The following DPH6 variants were observed in gnomAD, a reference collection of about 807,000 sequenced individuals.
DPH6 encodes diphthine--ammonia ligase.
DPH6 carries 33 observed loss-of-function variants against 38.2 expected under a neutral mutation model. The observed-to-expected ratio is 0.86, with a 90% CI of 0.65 to 1.15. The LOEUF (loss-of-function observed/expected upper bound fraction) is 1.15. Ranked by LOEUF, DPH6 falls within the 50% of genes most tolerant of loss-of-function variation. The pLI is 0.00. For synonymous variants in DPH6, 108 were observed against 103.0 expected (o/e 1.05, Z -0.30); for missense variants, 325 against 320.0 (o/e 1.02, Z -0.12).
chr15:35,158,145 G>T, the DPH6 span, among the ~76,000 whole-genome samples: 1 of 152,032 alleles, frequency 6.6e-6, no homozygotes, highest in Non-Finnish European at 1.5e-5. Context: ...CGTTTCTGTA[G>T]TGGCCAATTC....
the DPH6 span, among the ~76,000 whole-genome samples, chr15:35,160,502 T>C: frequency 6.6e-6 from 1 of 152,068 alleles, no homozygotes; most frequent in South Asian, 2.1e-4. Flanking sequence ...ATGGGTAAAT[T>C]GCATGTTGCT....
intron 3 of DPH6, among the ~76,000 whole-genome samples, chr15:35,270,133 A>G (rs2051813412): frequency 6.6e-6 from 1 of 152,204 alleles, no homozygotes; most frequent in Non-Finnish European, 1.5e-5. Flanking sequence ...CTGAACATTA[A>G]CTGAAATGTA....
At chr15:35,288,767 A>T (rs1595462422) in intron 3 of DPH6, among the ~76,000 whole-genome samples, 1 of 152,246 alleles carries the variant, frequency 6.6e-6, no homozygotes, top group Admixed American at 6.5e-5. Flanking sequence ...GAATCAGGAG[A>T]GCTTGTTGTT....
chr15:35,169,191 T>A, the DPH6 span, among the ~76,000 whole-genome samples: 15 of 152,132 alleles, frequency 9.9e-5, no homozygotes, highest in Non-Finnish European at 1.8e-4. Context: ...TTAATCAATA[T>A]CATATTCATA....
chr15:35,236,651 A>G (rs1183091492), intron 3 of DPH6, among the ~76,000 whole-genome samples: 4 of 151,978 alleles, frequency 2.6e-5, no homozygotes, highest in African/African-American at 7.2e-5. Flanking sequence ...AAAAAAAAAA[A>G]AAAGAAAAAA....
chr15:35,534,718 A>G (rs1323147774), intron 3 of DPH6, among the ~76,000 whole-genome samples: 1 of 152,196 alleles, frequency 6.6e-6, no homozygotes, highest in East Asian at 1.9e-4. Context: ...AGTGTCAGCA[A>G]AAGGGAACAG....
rs555804707 is a variant in DPH6, at chr15:35,502,217, G to T, written c.312+36057C>A. On this transcript the variant is annotated intron_variant, in intron 3 of 8. Transcript: ENST00000256538. ...TCACAGGAATATGTACATTGTAAAT[G>T]AAGTACTCTGAGTTGAAAATTTTTG... Among the ~76,000 whole-genome samples the T allele has an allele frequency of 3.7e-4, 56 of 152,076 alleles. 1 individual carries two copies. Among genetic ancestry groups the T allele is most frequent in the Admixed American group, 3.5e-3 (53 of 15,260 alleles).
intron 3 of DPH6, among the ~76,000 whole-genome samples, chr15:35,351,392 T>C (rs566496034): frequency 6.6e-6 from 1 of 152,348 alleles, no homozygotes; most frequent in South Asian, 2.1e-4. Context: ...GGGAAATTAG[T>C]ACAGTTATAT....
chr15:35,213,879 G>A (rs892213330), downstream of DPH6, among the ~76,000 whole-genome samples: 18 of 152,186 alleles, frequency 1.2e-4, no homozygotes, highest in South Asian at 2.1e-4. Context: ...TTGGGAGGCC[G>A]AGGCGGGTGG....
chr15:35,298,655 GA>G, intron 3 of DPH6: 1 of 1,295,906 alleles, frequency 7.7e-7, no homozygotes, highest in Non-Finnish European at 1.1e-6. Context: ...CTTCTCCACC[GA>G]AAAGGCGGTG....
At chr15:35,269,947 C>G (rs552501018) in intron 3 of DPH6, among the ~76,000 whole-genome samples, 1 of 151,734 alleles carries the variant, frequency 6.6e-6, no homozygotes, top group African/African-American at 2.4e-5. Context: ...CCTGCCACCA[C>G]GCCCAGCTAA....
chr15:35,323,392 G>A (rs1003059595), intron 3 of DPH6, among the ~76,000 whole-genome samples: 1 of 152,024 alleles, frequency 6.6e-6, no homozygotes, highest in African/African-American at 2.4e-5. Context: ...TGGGGAAGGA[G>A]GGGAAAACAT....
intron 3 of DPH6, among the ~76,000 whole-genome samples, chr15:35,531,791 AT>A (rs975158852): frequency 1.3e-5 from 2 of 152,040 alleles, no homozygotes; most frequent in African/African-American, 4.8e-5. Flanking sequence ...AATTTGATAC[AT>A]TTTTTTACTA....
intron 3 of DPH6, among the ~76,000 whole-genome samples, chr15:35,509,353 C>T (rs1004546902): frequency 2.6e-5 from 4 of 152,306 alleles, no homozygotes; most frequent in South Asian, 2.1e-4. Context: ...GCAAAATGCT[C>T]GGCAATATTA....
intron 3 of DPH6, chr15:35,489,457 T>G (rs1341713633): frequency 1.0e-6 from 1 of 983,906 alleles, no homozygotes; most frequent in Non-Finnish European, 1.2e-6. Context: ...TCAATTAATA[T>G]ATTACTCAAA....
intron 1 of DPH6, among the ~76,000 whole-genome samples, chr15:35,542,987 T>C (rs1259646805): frequency 3.7e-5 from 3 of 80,898 alleles, no homozygotes; most frequent in Non-Finnish European, 8.3e-5. Context: ...ATAGAAATTA[T>C]TGGGAAAAAA....
the DPH6 span, among the ~76,000 whole-genome samples, chr15:35,155,699 G>A: frequency 6.6e-6 from 1 of 152,268 alleles, no homozygotes; most frequent in Admixed American, 6.5e-5. Context: ...GAGGGAGACT[G>A]GGTCACATTC....
downstream of DPH6, among the ~76,000 whole-genome samples, chr15:35,214,300 C>A (rs867440483): frequency 6.6e-6 from 1 of 152,094 alleles, no homozygotes; most frequent in African/African-American, 2.4e-5. Flanking sequence ...ATTCACAATG[C>A]CACTAGAACT....
chr15:35,212,180 G>A, the DPH6 span, among the ~76,000 whole-genome samples: 1 of 152,122 alleles, frequency 6.6e-6, no homozygotes, highest in South Asian at 2.1e-4. Flanking sequence ...GAGCAAAACT[G>A]GCAGAGTTTT....
Sources: allele counts gnomAD v4.1 joint callset (sites outside exome capture counted in the v4.1 genomes callset), GRCh38; gene constraint gnomAD v4.1.1; transcripts MANE v1.5; gene names NCBI Gene and HGNC (gene_info 2026-07-23, HGNC 2026-07-21).